The following PNKD variants were observed in gnomAD, a reference collection of about 807,000 sequenced individuals.
PNKD encodes probable thioesterase PNKD.
Under a neutral mutation model 45.3 loss-of-function variants are expected in PNKD, and 36 were observed. That is an observed-to-expected ratio of 0.80 (90% confidence interval 0.61 to 1.05). The LOEUF is 1.05. PNKD is among the 50% of genes least tolerant of loss of function. The probability of loss-of-function intolerance (pLI) is 0.00; values close to 1 mark genes in which losing one functional copy is unlikely to be tolerated. For missense variants in PNKD, 511 were observed against 506.6 expected (o/e 1.01, Z -0.08); for synonymous variants, 197 against 210.1 (o/e 0.94, Z 0.54).
chr2:218,303,934 G>A (rs551085033), intron 2 of PNKD, among the ~76,000 whole-genome samples: 15 of 152,056 alleles, frequency 9.9e-5, no homozygotes, highest in Non-Finnish European at 1.6e-4. Context: ...ATCCCCCTCC[G>A]TCTTCTCCAC....
At chr2:218,339,655 G>T in intron 2 of PNKD, 128 bp from the exon 3 acceptor site, 1 of 712,906 alleles carries the variant, frequency 1.4e-6, no homozygotes, top group Middle Eastern at 3.3e-4. Flanking sequence ...CATAATAAGT[G>T]AGAGTGGAAT....
chr2:218,297,027 C>T (rs1433394432), intron 2 of PNKD, among the ~76,000 whole-genome samples: 3 of 152,216 alleles, frequency 2.0e-5, no homozygotes, highest in African/African-American at 7.2e-5. Context: ...GCATTGAACC[C>T]AGCCTGAGGT....
At chr2:218,335,467 G>T (rs899308883) in intron 2 of PNKD, among the ~76,000 whole-genome samples, 3 of 151,962 alleles carry the variant, frequency 2.0e-5, no homozygotes, top group African/African-American at 7.3e-5. Context: ...GGCAACAAGA[G>T]TGAAACTCCA....
intron 2 of PNKD, among the ~76,000 whole-genome samples, chr2:218,292,996 C>G (rs1693031258): frequency 2.0e-5 from 3 of 152,202 alleles, no homozygotes; most frequent in Admixed American, 2.0e-4. Flanking sequence ...AATTAATTTC[C>G]TACTGGAGGC....
intron 2 of PNKD, among the ~76,000 whole-genome samples, chr2:218,297,930 G>A (rs113125513): frequency 0.03 from 4,358 of 145,654 alleles, 197 homozygotes; most frequent in African/African-American, 0.11. Context: ...CCCGGGAGGC[G>A]GAGCTTGCAG....
At chr2:218,303,085 GC>G (rs1331655094) in intron 2 of PNKD, among the ~76,000 whole-genome samples, 1 of 152,068 alleles carries the variant, frequency 6.6e-6, no homozygotes, top group Non-Finnish European at 1.5e-5. Flanking sequence ...GATTACAGGT[GC>G]CCACCACCAT....
intron 8 of PNKD, among the ~76,000 whole-genome samples, chr2:218,344,059 G>C (rs912326700): frequency 2.6e-5 from 4 of 152,124 alleles, no homozygotes; most frequent in African/African-American, 9.7e-5. Flanking sequence ...CACATACCAG[G>C]CTCTGTTCCA....
intron 8 of PNKD, 50 bp downstream of exon 8, chr2:218,343,636 G>GGGGCT: frequency 7.1e-7 from 1 of 1,417,634 alleles, no homozygotes; most frequent in Non-Finnish European, 9.8e-7. Flanking sequence ...CGCTCAGCCT[G>GGGGCT]GGACAAGGGC....
At chr2:218,280,140 A>C (rs375257547) in intron 2 of PNKD, 1 of 1,595,178 alleles carries the variant, frequency 6.3e-7, no homozygotes, top group Non-Finnish European at 8.6e-7. Flanking sequence ...GGGACAGATG[A>C]CACTTGACTC....
intron 2 of PNKD, among the ~76,000 whole-genome samples, chr2:218,310,004 GC>G (rs1218062456): frequency 1.3e-5 from 2 of 151,898 alleles, no homozygotes; most frequent in East Asian, 3.9e-4. Context: ...GCCCAGAGCA[GC>G]GTGTAATTCC....
intron 2 of PNKD, among the ~76,000 whole-genome samples, chr2:218,308,756 T>G (rs1346447250): frequency 1.3e-5 from 2 of 151,662 alleles, no homozygotes; most frequent in East Asian, 3.9e-4. Context: ...TCAGCTAATT[T>G]TTGTATTTTT....
At chr2:218,288,879 A>C (rs559213388) in intron 2 of PNKD, among the ~76,000 whole-genome samples, 6 of 152,292 alleles carry the variant, frequency 3.9e-5, no homozygotes, top group Non-Finnish European at 1.5e-5. Flanking sequence ...ACCTATAGTA[A>C]CTAAGGCACA....
intron 2 of PNKD, among the ~76,000 whole-genome samples, chr2:218,307,235 G>A (rs1266241653): frequency 6.6e-6 from 1 of 152,030 alleles, no homozygotes; most frequent in East Asian, 1.9e-4. Context: ...AGGGACTGGG[G>A]GAGGCAATGG....
intron 2 of PNKD, among the ~76,000 whole-genome samples, chr2:218,282,633 G>A (rs1398408888): frequency 6.6e-6 from 1 of 152,234 alleles, no homozygotes; most frequent in Non-Finnish European, 1.5e-5. Context: ...CACAGCTGAC[G>A]GGGATGCCAG....
At chr2:218,275,797 A>G (rs563238854) in intron 2 of PNKD, among the ~76,000 whole-genome samples, 5 of 152,328 alleles carry the variant, frequency 3.3e-5, no homozygotes, top group Non-Finnish European at 7.3e-5. Flanking sequence ...GAAAGGAGGC[A>G]GACACACCGT....
At chr2:218,288,199 C>T (rs1023567169) in intron 2 of PNKD, among the ~76,000 whole-genome samples, 12 of 145,636 alleles carry the variant, frequency 8.2e-5, no homozygotes, top group African/African-American at 2.2e-4. Flanking sequence ...GAGGCCAAGG[C>T]GGGCGGATCA....
chr2:218,297,090 C>T (rs1693156464), intron 2 of PNKD, among the ~76,000 whole-genome samples: 1 of 152,220 alleles, frequency 6.6e-6, no homozygotes, highest in Admixed American at 6.5e-5. Flanking sequence ...TCATTCACCC[C>T]TAGGCCTGGG....
At chr2:218,324,981 G>T (rs1340211418) in intron 2 of PNKD, among the ~76,000 whole-genome samples, 1 of 140,512 alleles carries the variant, frequency 7.1e-6, no homozygotes, top group Non-Finnish European at 1.5e-5. Flanking sequence ...AAACATGAAG[G>T]TATCTAAATA....
At chr2:218,277,267 G>A in intron 2 of PNKD, 1 of 1,232,944 alleles carries the variant, frequency 8.1e-7, no homozygotes, top group South Asian at 1.2e-5. Context: ...ATGAGGAGAA[G>A]GGGATCAGGT....
Sources: gnomAD v4.1 joint callset for allele counts (sites outside exome capture counted in the v4.1 genomes callset) on GRCh38, gnomAD v4.1.1 for gene constraint, MANE v1.5 for transcripts, NCBI Gene and HGNC (gene_info 2026-07-23, HGNC 2026-07-21) for gene names.